PFKFB2: variants seen among roughly 807,000 people sequenced by gnomAD.
PFKFB2 encodes the protein 6-phosphofructo-2-kinase/fructose-2,6-bisphosphatase 2.
In PFKFB2, 53 loss-of-function variants were observed where a neutral mutation model predicts 68.0. The observed-to-expected ratio is 0.78, with a 90% CI of 0.63 to 0.98. The LOEUF (loss-of-function observed/expected upper bound fraction) is 0.98. PFKFB2 is among the 50% of genes least tolerant of loss of function. PFKFB2 has a pLI of 0.00. For missense variants in PFKFB2, 451 were observed against 642.0 expected (o/e 0.70, Z 3.22); for synonymous variants, 222 against 227.6 (o/e 0.98, Z 0.22).
chr1:207,071,640 C>A, intron 14 of PFKFB2, 67 bp downstream of exon 14: 1 of 1,146,764 alleles, frequency 8.7e-7, no homozygotes, highest in Non-Finnish European at 1.3e-6. Flanking sequence ...GCTTTGACAT[C>A]AAGAGACTGG....
chr1:207,043,579 A>G (rs1682521101), intron 2 of PFKFB2, among the ~76,000 whole-genome samples: 1 of 152,212 alleles, frequency 6.6e-6, no homozygotes, highest in Admixed American at 6.5e-5. Context: ...GCCTTTCCAC[A>G]CTGACAACTT....
chr1:207,074,832 C>T lies in PFKFB2; in HGVS notation c.*2461C>T. The T allele has an allele frequency of 1.0e-6, 1 of 985,404 alleles. No homozygotes were observed. Among genetic ancestry groups the T allele is most frequent in the Non-Finnish European group, 1.2e-6 (1 of 829,910 alleles). 61.0% of individuals were successfully genotyped at this position (985,404 alleles called of 1,614,324 possible). On this transcript the variant is annotated 3_prime_UTR_variant, in exon 15 of 15. Coordinates refer to ENST00000367080, the MANE Select transcript of PFKFB2 (RefSeq NM_006212.2). Reference sequence around the variant, plus strand: ...GCAACAGTCTGAGTCTAGAAGTGTTCAACCATCACATCGCTTCTCCTGACT... The same window carrying T: ...GCAACAGTCTGAGTCTAGAAGTGTTTAACCATCACATCGCTTCTCCTGACT...
intron 2 of PFKFB2, chr1:207,061,055 ATATATATCTTTATATATATCTT>A (rs1197197900): frequency 8.6e-5 from 8 of 93,298 alleles, no homozygotes; most frequent in Admixed American, 2.1e-4. Context: ...TATATATTTT[ATATATATCTTTATATATATCTT>A]TATATATCTT....
At chr1:207,035,745 C>A (rs1572703305) in intron 1 of PFKFB2, among the ~76,000 whole-genome samples, 3 of 152,090 alleles carry the variant, frequency 2.0e-5, no homozygotes, top group South Asian at 4.1e-4. Flanking sequence ...ATGGTGCTAG[C>A]ATCTGCTAAG....
At chr1:207,049,720 T>C, upstream of PFKFB2, 1 of 1,607,856 alleles carries the variant, frequency 6.2e-7, no homozygotes, top group Non-Finnish European at 8.5e-7. Flanking sequence ...GATCAGCATG[T>C]CACCTGTTAA....
In PFKFB2 at chr1:207,076,922, G is replaced by A; in HGVS notation, c.*4551G>A. 2 of 983,334 alleles carry A rather than the reference G, an allele frequency of 2.0e-6. No homozygotes were observed. Among genetic ancestry groups the A allele is most frequent in the Non-Finnish European group, 1.2e-6 (1 of 828,094 alleles). The allele number at this position is 983,334 out of a possible 1,614,324, so 60.9% of individuals were successfully genotyped here. On this transcript the variant is annotated 3_prime_UTR_variant, in exon 15 of 15. Transcript: ENST00000367080. ...TATGGTAATTCTCTGTCTATTAAATGTGTCTAACAAAGGAAGGAATTAAGC... is the reference window on the plus strand; with the variant it reads ...TATGGTAATTCTCTGTCTATTAAATATGTCTAACAAAGGAAGGAATTAAGC...
In PFKFB2 at chr1:207,036,880, T is replaced by C. The variant is rs937459766; in HGVS notation, c.-62+2408T>C. Among the ~76,000 whole-genome samples, 8 of 152,362 alleles carry C rather than the reference T, an allele frequency of 5.3e-5. No homozygotes were observed. The South Asian group carries it at 1.7e-3, about 32-fold the overall frequency. ...TGCTGTCAGTTACCACACATCCAAC[T>C]GCTTGTTAACTAATTTGTTAAAAAT... On this transcript the variant is annotated intron_variant, in intron 1 of 5. Transcript: ENST00000545806.
At chr1:207,065,411 C>A in intron 8 of PFKFB2, 2 of 606,160 alleles carry the variant, frequency 3.3e-6, no homozygotes, top group Non-Finnish European at 4.1e-6. Flanking sequence ...AGTGCAGTGG[C>A]AAAATCAGGG....
chr1:207,049,748 A>G, upstream of PFKFB2: 1 of 1,581,214 alleles, frequency 6.3e-7, no homozygotes, highest in South Asian at 1.2e-5. Flanking sequence ...ACAAATCCCG[A>G]TCTGCAAAGA....
Position 207,041,991 on chromosome 1 carries a change from T to G in PFKFB2, c.-61-178T>G, listed in dbSNP as rs75567902. Among the ~76,000 whole-genome samples the G allele has an allele frequency of 3.3e-3, 503 of 152,338 alleles. 2 individuals carry two copies. Among genetic ancestry groups the G allele is most frequent in the African/African-American group, 0.01 (417 of 41,562 alleles). On this transcript the variant is annotated intron_variant, in intron 1 of 5. Transcript: ENST00000545806. ...TACTAATGTATTTTGATAGCTTTCA[T>G]TTTCATTCTTGTTAGGTTTTTAATG...
intron 2 of PFKFB2, chr1:207,044,424 G>C (rs1034350065): frequency 1.3e-5 from 2 of 152,364 alleles, no homozygotes; most frequent in African/African-American, 4.8e-5. Flanking sequence ...AGTAACTTAC[G>C]GGCTAATTAC....
chr1:207,078,240 A>G (rs908353015), downstream of PFKFB2, among the ~76,000 whole-genome samples: 4 of 152,330 alleles, frequency 2.6e-5, no homozygotes, highest in South Asian at 4.1e-4. Flanking sequence ...GGTATAAAAC[A>G]GCATTTAATT....
At chr1:207,064,788 G>A (rs1683230808) in intron 7 of PFKFB2, among the ~76,000 whole-genome samples, 1 of 152,044 alleles carries the variant, frequency 6.6e-6, no homozygotes, top group African/African-American at 2.4e-5. Flanking sequence ...AGCTTTGGCT[G>A]CGTGACTGCC....
chr1:207,052,158 A>AGT, upstream of PFKFB2: 1 of 1,608,900 alleles, frequency 6.2e-7, no homozygotes, highest in Non-Finnish European at 8.5e-7. Context: ...AACTATGAAA[A>AGT]GTGTAGTTCA....
chr1:207,066,672 T>C (rs1200544217), intron 8 of PFKFB2, among the ~76,000 whole-genome samples: 3 of 152,152 alleles, frequency 2.0e-5, no homozygotes, highest in Non-Finnish European at 4.4e-5. Flanking sequence ...TTTTTTGAGA[T>C]GGAGTCTCTC....
chr1:207,070,315 C>T lies in PFKFB2; in HGVS notation c.1128C>T (p.Val376=), dbSNP rs529255243. The change falls in exon 12 of 15, where the codon GTC becomes GTT. Residue 376 remains valine (V), a synonymous_variant. Transcript: ENST00000367080. The surrounding 1 kb of genome is among the most constrained non-coding windows in gnomAD (Gnocchi z 4.2). ...ACCTGGTGCAGCGGCTGGAGCCTGT[C>T]ATCATGGAGCTGGAACGTCAGGGCA... ...YQDLVQRLEP[V]IMELERQGNV... 3.1e-6 allele frequency: 5 copies of T among 1,613,784 alleles called. No homozygotes were observed. In the African/African-American group the frequency reaches 5.3e-5, roughly 17 times the overall value.
At chr1:207,048,731 A>T (rs1038208034), upstream of PFKFB2, 2 of 344,970 alleles carry the variant, frequency 5.8e-6, no homozygotes, top group Non-Finnish European at 1.1e-5. Context: ...AGTTTATAAT[A>T]CTCAATCTCA....
chr1:207,072,086 T>C, intron 14 of PFKFB2, 118 bp from the exon 15 acceptor site: 1 of 1,510,132 alleles, frequency 6.6e-7, no homozygotes, highest in Non-Finnish European at 8.9e-7. Flanking sequence ...TGAGGGACCC[T>C]GTGTGCAGAG....
At position 207,063,484 on chromosome 1, in the gene PFKFB2, C is replaced by T; in HGVS notation, c.450+63C>T. 2 of 1,104,958 alleles carry T rather than the reference C, an allele frequency of 1.8e-6. No individual in the cohort carries two copies. Among genetic ancestry groups the T allele is most frequent in the South Asian group, 1.3e-5 (1 of 77,736 alleles). The allele number at this position is 1,104,958 out of a possible 1,614,324, so 68.4% of individuals were successfully genotyped here. A position where few individuals can be genotyped will look rare whatever the true frequency, so the allele number is the denominator to read the frequency against. ...TAGAGGTGGGGAGTCAGGCTACAGG[C>T]ATGGATCTCTCACTCTAGTGGGTGA... On this transcript the variant is annotated intron_variant, in intron 6 of 14. Coordinates refer to ENST00000367080, the MANE Select transcript of PFKFB2 (RefSeq NM_006212.2). The surrounding 1 kb of genome is among the most constrained non-coding windows in gnomAD (Gnocchi z 4.1).
Sources: gnomAD v4.1 joint callset for allele counts (sites outside exome capture counted in the v4.1 genomes callset) on GRCh38, gnomAD v4.1.1 for gene constraint, Gnocchi (gnomAD v3.1) non-coding constraint, MANE v1.5 for transcripts, NCBI Gene and HGNC (gene_info 2026-07-23, HGNC 2026-07-21) for gene names.